FOXP1: variants seen among roughly 807,000 people sequenced by gnomAD.
FOXP1 encodes forkhead box P1.
FOXP1 carries 15 observed loss-of-function variants against 98.2 expected under a neutral mutation model. The observed-to-expected ratio is 0.15, with a 90% CI of 0.10 to 0.24. The LOEUF (loss-of-function observed/expected upper bound fraction) is 0.24. FOXP1 is among the 10% of genes least tolerant of loss of function. FOXP1 has a pLI of 1.00. For synonymous variants in FOXP1, 371 were observed against 314.5 expected (o/e 1.18, Z -1.90); for missense variants, 633 against 848.5 (o/e 0.75, Z 3.15).
chr3:71,407,711 G>C (rs1406668469), intron 3 of FOXP1, among the ~76,000 whole-genome samples: 1 of 151,684 alleles, frequency 6.6e-6, no homozygotes, highest in Non-Finnish European at 1.5e-5. Context: ...CCATGTCTTT[G>C]ATGCCGTGAA....
chr3:71,156,344 A>G (rs1444165011), intron 6 of FOXP1, among the ~76,000 whole-genome samples: 4 of 152,194 alleles, frequency 2.6e-5, no homozygotes, highest in Non-Finnish European at 5.9e-5. Flanking sequence ...CTCAGCATCT[A>G]GCACTGAACA....
intron 7 of FOXP1, among the ~76,000 whole-genome samples, chr3:71,080,276 C>G (rs1031691387): frequency 7.9e-5 from 12 of 152,150 alleles, no homozygotes; most frequent in African/African-American, 2.9e-4. Context: ...ATTTATAGTG[C>G]CGGTGGAATA....
chr3:71,329,176 C>T (rs925613416), intron 4 of FOXP1, among the ~76,000 whole-genome samples: 8 of 151,968 alleles, frequency 5.3e-5, no homozygotes, highest in Admixed American at 2.6e-4. Flanking sequence ...TGAATGATCC[C>T]GTCACCCACT....
chr3:71,340,423 GA>G (rs1484095563), intron 4 of FOXP1, among the ~76,000 whole-genome samples: 1 of 152,164 alleles, frequency 6.6e-6, no homozygotes, highest in Admixed American at 6.5e-5. Flanking sequence ...ATTTTGGGGG[GA>G]AAAGCAATTT....
intron 1 of FOXP1, 51 bp downstream of exon 1, chr3:71,583,520 A>C: frequency 1.0e-6 from 1 of 980,494 alleles, no homozygotes; most frequent in Non-Finnish European, 1.2e-6. Context: ...GAAACAAGAC[A>C]GGAGGCGGCT....
At chr3:70,971,730 A>G (rs927634560) in intron 18 of FOXP1, 2 of 295,002 alleles carry the variant, frequency 6.8e-6, no homozygotes, top group African/African-American at 4.3e-5. Context: ...GAGAGGGGGG[A>G]TTATGGGTTA....
intron 7 of FOXP1, among the ~76,000 whole-genome samples, chr3:71,087,091 G>C (rs185905049): frequency 9.2e-5 from 14 of 152,302 alleles, no homozygotes; most frequent in African/African-American, 3.4e-4. Context: ...GAGATAAAGA[G>C]AGGGCTAGGG....
intron 7 of FOXP1, among the ~76,000 whole-genome samples, chr3:71,056,195 A>T (rs2050613560): frequency 6.6e-6 from 1 of 152,216 alleles, no homozygotes; most frequent in African/African-American, 2.4e-5. Context: ...ACTGATTTTA[A>T]AAGTTACATA....
intron 5 of FOXP1, among the ~76,000 whole-genome samples, chr3:71,257,285 C>T (rs1185960391): frequency 5.3e-5 from 8 of 151,972 alleles, no homozygotes; most frequent in Admixed American, 3.9e-4. Context: ...ATTTAAAAAA[C>T]GCAGAATGGG....
chr3:71,320,747 A>C (rs2075339591), intron 4 of FOXP1, among the ~76,000 whole-genome samples: 1 of 152,232 alleles, frequency 6.6e-6, no homozygotes, highest in African/African-American at 2.4e-5. Context: ...GTTAACGGCA[A>C]CAATTTTTCC....
intron 13 of FOXP1, among the ~76,000 whole-genome samples, chr3:70,997,559 C>G (rs1181422837): frequency 3.9e-5 from 6 of 152,166 alleles, no homozygotes; most frequent in Non-Finnish European, 8.8e-5. Context: ...ATTTTCTTAT[C>G]TATTTCATCT....
intron 11 of FOXP1, among the ~76,000 whole-genome samples, chr3:71,015,948 CTTT>C (rs1421690454): frequency 6.6e-6 from 1 of 152,128 alleles, no homozygotes; most frequent in Non-Finnish European, 1.5e-5. Flanking sequence ...GCGAAGGAGT[CTTT>C]AAAAAGCTAG....
At chr3:71,491,735 T>C (rs2091075231) in intron 3 of FOXP1, among the ~76,000 whole-genome samples, 1 of 152,216 alleles carries the variant, frequency 6.6e-6, no homozygotes, top group South Asian at 2.1e-4. Flanking sequence ...ATCTGGTCTC[T>C]AATATTTGAG....
chr3:71,440,465 C>T (rs1393916541), intron 3 of FOXP1, among the ~76,000 whole-genome samples: 1 of 152,002 alleles, frequency 6.6e-6, no homozygotes, highest in African/African-American at 2.4e-5. Context: ...ATCACGAGGT[C>T]AGGAGTTCAA....
At chr3:71,010,168 T>C (rs1360234376) in intron 12 of FOXP1, among the ~76,000 whole-genome samples, 4 of 152,092 alleles carry the variant, frequency 2.6e-5, no homozygotes, top group Admixed American at 2.0e-4. Context: ...ATATTAATAA[T>C]GTCCTCACTA....
chr3:71,454,950 G>A (rs1304120342), intron 3 of FOXP1, among the ~76,000 whole-genome samples: 1 of 152,098 alleles, frequency 6.6e-6, no homozygotes. Context: ...TGCTTCTGGA[G>A]CTGGTTTCAA....
At chr3:71,176,008 G>A (rs994622973) in intron 6 of FOXP1, among the ~76,000 whole-genome samples, 2 of 152,168 alleles carry the variant, frequency 1.3e-5, no homozygotes, top group Non-Finnish European at 2.9e-5. Flanking sequence ...TTAAAATAAC[G>A]AAAGTAACTG....
At chr3:71,029,146 T>A (rs1194261542) in intron 11 of FOXP1, among the ~76,000 whole-genome samples, 1 of 152,212 alleles carries the variant, frequency 6.6e-6, no homozygotes, top group Non-Finnish European at 1.5e-5. Flanking sequence ...AGTATAGAAG[T>A]ACTCTTAATG....
chr3:71,464,254 C>A (rs1029779166), intron 3 of FOXP1, among the ~76,000 whole-genome samples: 4 of 152,048 alleles, frequency 2.6e-5, no homozygotes, highest in Non-Finnish European at 4.4e-5. Flanking sequence ...CCAGCCTGGG[C>A]GACAGAACGA....
Sources: allele counts gnomAD v4.1 joint callset (sites outside exome capture counted in the v4.1 genomes callset), GRCh38; gene constraint gnomAD v4.1.1; transcripts MANE v1.5; gene names NCBI Gene and HGNC (gene_info 2026-07-23, HGNC 2026-07-21).